The following WWC2 variants were observed in gnomAD, a reference collection of about 807,000 sequenced individuals.
WWC2 encodes WW and C2 domain containing 2, also known as protein WWC2.
In WWC2, 101 loss-of-function variants were observed where a neutral mutation model predicts 138.5. The observed-to-expected ratio is 0.73, with a 90% CI of 0.62 to 0.86. The LOEUF (loss-of-function observed/expected upper bound fraction) is 0.86, where lower values mean the gene tolerates loss of function less well. Ranked by LOEUF, WWC2 falls within the 40% of genes least tolerant of loss-of-function variation. The pLI, the probability that WWC2 is intolerant of heterozygous loss-of-function variation, is 0.00. For synonymous variants in WWC2, 558 were observed against 538.4 expected, an observed-to-expected ratio of 1.04 and a Z score of -0.50; for missense variants, 1,420 against 1,419.4, an observed-to-expected ratio of 1.00 and a Z score of -0.01.
chr4:183,309,989 C>T (rs975483579), intron 21 of WWC2, among the ~76,000 whole-genome samples: 1 of 152,134 alleles, frequency 6.6e-6, no homozygotes, highest in Non-Finnish European at 1.5e-5. Context: ...CTGCATCATC[C>T]AACTGTATGG....
At chr4:183,304,268 G>A (rs11929772) in intron 21 of WWC2, among the ~76,000 whole-genome samples, 40,190 of 151,950 alleles carry the variant, frequency 0.26, 5,572 homozygotes, top group South Asian at 0.32. Context: ...TGCAGGAACC[G>A]ATACTGGGGT....
intron 19 of WWC2, 46 bp from the exon 20 acceptor site, chr4:183,285,919 ACT>A: frequency 2.0e-6 from 3 of 1,509,696 alleles, no homozygotes; most frequent in Non-Finnish European, 2.7e-6. Flanking sequence ...TTCCACTTGC[ACT>A]CTGTTTGATA....
intron 1 of WWC2, among the ~76,000 whole-genome samples, chr4:183,126,895 ATTT>A (rs11412789): frequency 1.5e-5 from 2 of 134,302 alleles, no homozygotes; most frequent in Non-Finnish European, 1.6e-5. Flanking sequence ...TGCCCAGCTA[ATTT>A]TTTTTTTTTT....
At chr4:183,116,679 A>G (rs1246246375) in intron 1 of WWC2, among the ~76,000 whole-genome samples, 1 of 152,240 alleles carries the variant, frequency 6.6e-6, no homozygotes, top group African/African-American at 2.4e-5. Context: ...TTAGCCACAC[A>G]TAATCTTCCA....
intron 4 of WWC2, among the ~76,000 whole-genome samples, chr4:183,225,240 C>T (rs890630582): frequency 4.6e-5 from 7 of 152,000 alleles, no homozygotes; most frequent in African/African-American, 1.7e-4. Context: ...ACATACATTA[C>T]CAGTAATTAC....
At chr4:183,168,092 G>A (rs1185128383) in intron 1 of WWC2, among the ~76,000 whole-genome samples, 8 of 151,742 alleles carry the variant, frequency 5.3e-5, no homozygotes, top group Admixed American at 3.3e-4. Flanking sequence ...TCCTGACCTC[G>A]TGATCTGTCC....
intron 1 of WWC2, among the ~76,000 whole-genome samples, chr4:183,142,611 A>G (rs1733334233): frequency 6.6e-6 from 1 of 152,222 alleles, no homozygotes; most frequent in Non-Finnish European, 1.5e-5. Flanking sequence ...CTTTTAGAGA[A>G]TATATTTGTG....
At chr4:183,130,657 G>T (rs898929314) in intron 1 of WWC2, among the ~76,000 whole-genome samples, 1 of 152,170 alleles carries the variant, frequency 6.6e-6, no homozygotes, top group Non-Finnish European at 1.5e-5. Flanking sequence ...TAGCCAGGAG[G>T]TATCTTAGCT....
intron 1 of WWC2, among the ~76,000 whole-genome samples, chr4:183,116,138 C>A (rs1732401682): frequency 6.6e-6 from 1 of 152,132 alleles, no homozygotes. Flanking sequence ...TGTCAAAGAC[C>A]AGATGGTGGT....
intron 4 of WWC2, among the ~76,000 whole-genome samples, chr4:183,212,820 T>C (rs1234775181): frequency 6.6e-6 from 1 of 152,202 alleles, no homozygotes; most frequent in East Asian, 1.9e-4. Flanking sequence ...AATTGTCTTC[T>C]AATGTAGCGG....
chr4:183,198,648 T>C (rs1735215344), intron 2 of WWC2, among the ~76,000 whole-genome samples: 3 of 152,010 alleles, frequency 2.0e-5, no homozygotes, highest in African/African-American at 7.2e-5. Flanking sequence ...ATGATTTTCA[T>C]AGAATATAGT....
chr4:183,152,225 C>T (rs1030606398), intron 1 of WWC2, among the ~76,000 whole-genome samples: 1 of 152,060 alleles, frequency 6.6e-6, no homozygotes, highest in African/African-American at 2.4e-5. Context: ...TATAGCCCAC[C>T]ATGGTGGTTC....
At chr4:183,237,742 G>A (rs577746720) in intron 4 of WWC2, among the ~76,000 whole-genome samples, 1 of 152,232 alleles carries the variant, frequency 6.6e-6, no homozygotes, top group South Asian at 2.1e-4. Context: ...TATCTGCTTT[G>A]TCCAAAGCAC....
chr4:183,109,556 A>G (rs1310293409), intron 1 of WWC2, among the ~76,000 whole-genome samples: 1 of 152,180 alleles, frequency 6.6e-6, no homozygotes, highest in Non-Finnish European at 1.5e-5. Context: ...ATAGGAGCGC[A>G]CAGCCTGGAT....
intron 21 of WWC2, among the ~76,000 whole-genome samples, chr4:183,300,817 G>T (rs896724471): frequency 7.9e-5 from 12 of 151,910 alleles, no homozygotes; most frequent in African/African-American, 2.9e-4. Flanking sequence ...AATGCTAGAA[G>T]TTGAAAACAT....
At chr4:183,160,800 G>A (rs1733940967) in intron 1 of WWC2, among the ~76,000 whole-genome samples, 1 of 152,072 alleles carries the variant, frequency 6.6e-6, no homozygotes, top group South Asian at 2.1e-4. Context: ...GATGCTGCTG[G>A]GAAATTTGCA....
rs183229582 is a variant in WWC2, at chr4:183,253,731, T to G, written c.954-26T>G. On this transcript the variant is annotated intron_variant, in intron 8 of 22. Transcript: ENST00000403733. ...TTCTCAGGAGTTTTAAGTATGTGCA[T>G]ACCTCTTCTATCTTTTTTTTTTTAG... 21 of 1,601,842 alleles carry G rather than the reference T, an allele frequency of 1.3e-5. No homozygotes were observed. The East Asian group carries it at 4.7e-4, about 36-fold the overall frequency.
At chr4:183,214,137 T>G (rs1217666656) in intron 4 of WWC2, among the ~76,000 whole-genome samples, 1 of 152,122 alleles carries the variant, frequency 6.6e-6, no homozygotes, top group Non-Finnish European at 1.5e-5. Flanking sequence ...AACTTTTAAT[T>G]TTGTGAGAGT....
At chr4:183,177,535 C>G (rs1734501239) in intron 1 of WWC2, among the ~76,000 whole-genome samples, 1 of 151,816 alleles carries the variant, frequency 6.6e-6, no homozygotes, top group Non-Finnish European at 1.5e-5. Flanking sequence ...TAACAAGGTT[C>G]AAGAATAAAT....
Sources: allele counts gnomAD v4.1 joint callset (sites outside exome capture counted in the v4.1 genomes callset), GRCh38; gene constraint gnomAD v4.1.1; transcripts MANE v1.5; gene names NCBI Gene and HGNC (gene_info 2026-07-23, HGNC 2026-07-21).